The following PITRM1 variants were observed in gnomAD, a reference collection of about 807,000 sequenced individuals.
PITRM1 encodes the protein pitrilysin metallopeptidase 1, also known as presequence protease, mitochondrial.
Under a neutral mutation model 129.9 loss-of-function variants are expected in PITRM1, and 100 were observed. The ratio of observed to expected loss-of-function variants is 0.77; its 90% CI spans 0.65 to 0.91. The LOEUF (loss-of-function observed/expected upper bound fraction) is 0.91. Ranked by LOEUF, PITRM1 falls within the 40% of genes least tolerant of loss-of-function variation. The probability of loss-of-function intolerance (pLI) is 0.00; values close to 1 mark genes in which losing one functional copy is unlikely to be tolerated. For synonymous variants in PITRM1, 591 were observed against 508.8 expected (o/e 1.16, Z -2.17); for missense variants, 1,471 against 1,318.3 (o/e 1.12, Z -1.79).
Position 3,148,068 on chromosome 10 carries a change from A to T in PITRM1, c.1993-5T>A. 6.2e-7 allele frequency: 1 copy of T among 1,613,820 alleles called. No individual in the cohort carries two copies. On this transcript the variant is annotated splice_polypyrimidine_tract_variant and splice_region_variant and intron_variant, in intron 17 of 26. Transcript: ENST00000224949. The stretch of plus-strand genomic sequence containing the variant: ...GAGAGAGGAGAAAAGCACACCCTGA[A>T]CCAAAGAAAACACAGAAGAAAGGAA...
Position 3,138,487 on chromosome 10 carries a change from C to G in PITRM1, c.2918-150G>C, listed in dbSNP as rs886663407. The G allele has an allele frequency of 5.8e-5, 38 of 659,328 alleles. No homozygotes were observed. In the African/African-American group the frequency reaches 6.2e-4, roughly 11 times the overall value. The allele number at this position is 659,328 out of a possible 1,614,324, so 40.8% of individuals were successfully genotyped here. On this transcript the variant is annotated intron_variant, in intron 25 of 26. Coordinates refer to ENST00000224949, the MANE Select transcript of PITRM1 (RefSeq NM_014889.4). Reference sequence around the variant, plus strand: ...GGGATGTGTCTAACAACCCAGAGATCACACCCCGACCTCCAGCTCCCACGT... The same window carrying G: ...GGGATGTGTCTAACAACCCAGAGATGACACCCCGACCTCCAGCTCCCACGT...
Position 3,157,044 on chromosome 10 carries a change from G to T in PITRM1, c.1368C>A (p.Asn456Lys). ...AGAGCTCCACAGGGTCCCCATCATG[G>T]TTCCAGCAAGAAGCTATGTACTGGA... is the stretch of plus-strand genomic sequence containing the variant. ...MLTSYIASCW[N>K]HDGDPVELLK... Residue 456 changes from asparagine (N) to lysine (K), a missense_variant, in exon 13 of 27, where the codon AAC (asparagine) becomes AAA (lysine). Transcript: ENST00000224949. 1 of 1,609,972 alleles carries T rather than the reference G, an allele frequency of 6.2e-7. No homozygotes were observed. Among genetic ancestry groups the T allele is most frequent in the South Asian group, 1.1e-5 (1 of 90,252 alleles).
Position 3,149,891 on chromosome 10 carries a change from C to CA in PITRM1, c.1739-139dup, listed in dbSNP as rs3214929. ...TATACTAGAGTTTATATAAATTTCC[C>CA]AATCATATTTTCATGACTAAAAACT... is the stretch of plus-strand genomic sequence containing the variant. On this transcript the variant is annotated intron_variant, in intron 15 of 26. Transcript: ENST00000224949. The CA allele has an allele frequency of 5.5e-4, 496 of 906,906 alleles. 3 individuals are homozygous for CA. In the East Asian group the frequency reaches 0.011, roughly 20 times the overall value. The allele number at this position is 906,906 out of a possible 1,614,324, so 56.2% of individuals were successfully genotyped here. A position where few individuals can be genotyped will look rare whatever the true frequency, so the allele number is the denominator to read the frequency against.
intron 1 of PITRM1, chr10:3,172,347 T>A (rs918855838): frequency 3.3e-5 from 16 of 484,792 alleles, no homozygotes; most frequent in Non-Finnish European, 3.9e-6. Flanking sequence ...GCCTCGGGTC[T>A]CTTAAGGACT....
At chr10:3,147,007 T>TTGTTAGAACTAAG in intron 20 of PITRM1, 143 bp downstream of exon 20, 2 of 504,936 alleles carry the variant, frequency 4.0e-6, no homozygotes. Context: ...TTTTCTTAGT[T>TTGTTAGAACTAAG]TGTTAGAACA....
chr10:3,139,004 G>GAC lies in PITRM1; in HGVS notation c.2815_2816dup (p.Asp940SerfsTer25). On this transcript the variant is annotated frameshift_variant, in exon 25 of 27. Transcript: ENST00000224949. LOFTEE classifies it high-confidence loss of function. ...TGAATTTTCCAGACTTAGCCCAGTC[G>GAC]ACAGCCTTCCCAAAAGACTGGAGCG... is the stretch of plus-strand genomic sequence containing the variant. 1 of 1,613,782 alleles carries GAC rather than the reference G, an allele frequency of 6.2e-7. No individual in the cohort carries two copies. Among genetic ancestry groups the GAC allele is most frequent in the Non-Finnish European group, 8.5e-7 (1 of 1,179,708 alleles).
intron 23 of PITRM1, chr10:3,141,752 G>A (rs1424873685): frequency 2.3e-6 from 1 of 443,276 alleles, no homozygotes; most frequent in Non-Finnish European, 4.7e-6. Context: ...AGTGGATGAA[G>A]GGAGTCAAAT....
intron 9 of PITRM1, 143 bp from the exon 10 acceptor site, chr10:3,159,185 G>A (rs975814075): frequency 3.8e-6 from 3 of 786,850 alleles, no homozygotes; most frequent in Admixed American, 3.0e-5. Context: ...ATGAGCAGAA[G>A]AGAATTTTCC....
intron 23 of PITRM1, 50 bp from the exon 24 acceptor site, chr10:3,140,862 T>G: frequency 7.0e-7 from 1 of 1,435,226 alleles, no homozygotes. Flanking sequence ...TAAAAAAGCA[T>G]AGACAATGAA....
chr10:3,147,858 A>G lies in PITRM1; in HGVS notation c.2070-121T>C, dbSNP rs1841065659. On this transcript the variant is annotated intron_variant, in intron 18 of 26. Coordinates refer to ENST00000224949, the MANE Select transcript of PITRM1 (RefSeq NM_014889.4). Reference sequence around the variant, plus strand: ...AACCAAAGAAATTTTATAAGTCCATATGAACTACAAGTAAAAGTCAGACTT... The same window carrying G: ...AACCAAAGAAATTTTATAAGTCCATGTGAACTACAAGTAAAAGTCAGACTT... 1.1e-5 allele frequency: 13 copies of G among 1,169,010 alleles called. No homozygotes were observed. In the Middle Eastern group the frequency reaches 5.9e-4, roughly 53 times the overall value. 72.4% of individuals were successfully genotyped at this position (1,169,010 alleles called of 1,614,324 possible).
chr10:3,151,713 C>G (rs1376464139), intron 14 of PITRM1, among the ~76,000 whole-genome samples: 3 of 152,142 alleles, frequency 2.0e-5, no homozygotes, highest in Non-Finnish European at 4.4e-5. Flanking sequence ...TCTTGATGGA[C>G]TGAAATTTAG....
intron 12 of PITRM1, 61 bp from the exon 13 acceptor site, chr10:3,157,125 A>G (rs746031421): frequency 6.9e-7 from 1 of 1,455,764 alleles, no homozygotes. Context: ...CTCCACCAAC[A>G]GCCCAGACTT....
intron 11 of PITRM1, 128 bp downstream of exon 11, chr10:3,157,912 A>C (rs927919424): frequency 1.5e-6 from 1 of 688,458 alleles, no homozygotes; most frequent in Non-Finnish European, 2.6e-6. Context: ...TTAAACAACT[A>C]AATATGAACA....
At chr10:3,166,113 A>C (rs931725296) in intron 4 of PITRM1, 116 bp downstream of exon 4, 10 of 842,014 alleles carry the variant, frequency 1.2e-5, no homozygotes, top group African/African-American at 3.5e-5. Flanking sequence ...AGAGGTAAAA[A>C]TTTTTCTAGA....
rs1842067392 is a variant in PITRM1 at position 3,157,420 on chromosome 10, TGA to T, written c.1347+13_1347+14del. 5 of 1,516,000 alleles carry T rather than the reference TGA, an allele frequency of 3.3e-6. No individual in the cohort carries two copies. The highest frequency in any genetic ancestry group is 1.4e-5 in the African/African-American group (1 of 71,928). 93.9% of individuals were successfully genotyped at this position (1,516,000 alleles called of 1,614,324 possible). The stretch of plus-strand genomic sequence containing the variant: ...TATTATAAAACAAAAACAAAATTGT[TGA>T]GAGATCACTTACTGATGTCAGCATC... On this transcript the variant is annotated intron_variant, in intron 12 of 26. Coordinates refer to ENST00000224949, the MANE Select transcript of PITRM1 (RefSeq NM_014889.4).
Position 3,165,532 on chromosome 10 carries a change from G to C in PITRM1, c.419-5C>G. 6.8e-7 allele frequency: 1 copy of C among 1,479,694 alleles called. No individual in the cohort carries two copies. Among genetic ancestry groups the C allele is most frequent in the Non-Finnish European group, 9.4e-7 (1 of 1,061,412 alleles). The allele number at this position is 1,479,694 out of a possible 1,614,324, so 91.7% of individuals were successfully genotyped here. On this transcript the variant is annotated splice_region_variant and splice_polypyrimidine_tract_variant and intron_variant, in intron 4 of 26. Coordinates refer to ENST00000224949, the MANE Select transcript of PITRM1 (RefSeq NM_014889.4). The stretch of plus-strand genomic sequence containing the variant: ...GATACAGAGTATAATCACTAGCTGG[G>C]TACAAATGAAAAGTGAAATTGTAAA...
chr10:3,154,931 A>C (rs1841849898), intron 14 of PITRM1, among the ~76,000 whole-genome samples: 1 of 152,046 alleles, frequency 6.6e-6, no homozygotes, highest in South Asian at 2.1e-4. Flanking sequence ...TAGGTGTCTA[A>C]TTGCCTCTCA....
At chr10:3,144,055 A>T in intron 22 of PITRM1, 1 of 585,734 alleles carries the variant, frequency 1.7e-6, no homozygotes, top group Non-Finnish European at 3.0e-6. Flanking sequence ...GACGCACCCC[A>T]TACCAGGGCC....
chr10:3,172,273 C>T (rs1843443653), intron 1 of PITRM1: 7 of 466,236 alleles, frequency 1.5e-5, no homozygotes, highest in South Asian at 7.7e-5. Context: ...AAAAACAAAA[C>T]AGTTCAATTC....
Sources: allele counts gnomAD v4.1 joint callset (sites outside exome capture counted in the v4.1 genomes callset), GRCh38; gene constraint gnomAD v4.1.1; transcripts MANE v1.5; gene names NCBI Gene and HGNC (gene_info 2026-07-23, HGNC 2026-07-21).